Variants in DOCK2 observed in about 807,000 individuals in gnomAD.
The protein encoded by DOCK2 is dedicator of cytokinesis 2.
Under a neutral mutation model 248.9 loss-of-function variants are expected in DOCK2, and 87 were observed. The observed-to-expected ratio is 0.35, with a 90% CI of 0.29 to 0.42. The LOEUF (loss-of-function observed/expected upper bound fraction) is 0.42, where lower values mean the gene tolerates loss of function less well. Among genes scored for constraint, DOCK2 ranks in the 10% least tolerant of loss-of-function variants. The probability of loss-of-function intolerance (pLI) is 1.00; values close to 1 mark genes in which losing one functional copy is unlikely to be tolerated. For synonymous variants in DOCK2, 805 were observed against 821.6 expected, an observed-to-expected ratio of 0.98 and a Z score of 0.35; for missense variants, 1,747 against 2,300.2, an observed-to-expected ratio of 0.76 and a Z score of 4.92.
Position 169,983,081 on chromosome 5 carries a change from C to T in DOCK2, c.2813C>T (p.Ala938Val), listed in dbSNP as rs771688755. The T allele has an allele frequency of 3.1e-6, 5 of 1,614,004 alleles. No homozygotes were observed. In the South Asian group the frequency reaches 4.4e-5, roughly 14 times the overall value. The change falls in exon 28 of 52, where the codon GCA becomes GTA. Residue 938 changes from alanine (A) to valine (V), a missense_variant. Physicochemically the swap from Ala to Val is moderately conservative, Grantham distance 64 (BLOSUM62 0). Coordinates refer to ENST00000520908, the MANE Select transcript of DOCK2 (RefSeq NM_004946.3). ...CATTTCTTGCAGAGTCACTTTGTGG[C>T]ATGTATGACAGCCATCTTAAACCAG... ...RDHILISHFV[A>V]CMTAILNQMG...
At chr5:169,660,579 G>T (rs530762546) in intron 2 of DOCK2, among the ~76,000 whole-genome samples, 142 of 152,262 alleles carry the variant, frequency 9.3e-4, no homozygotes, top group Middle Eastern at 3.4e-3. Context: ...GGCACAAGGA[G>T]ATTTTGAATG....
Position 169,751,317 on chromosome 5 carries a change from T to G in DOCK2, c.2376+3813T>G, listed in dbSNP as rs1182818027. ...GATCAAGAAATATAAATATACATTC[T>G]TAAGAGAATAAACCCACAAGAAGTG... is the stretch of plus-strand genomic sequence containing the variant. On this transcript the variant is annotated intron_variant, in intron 23 of 51. Transcript: ENST00000520908. Among the ~76,000 whole-genome samples the G allele has an allele frequency of 1.5e-4, 23 of 152,198 alleles. 1 individual carries two copies. The highest frequency in any genetic ancestry group is 1.5e-3 in the Admixed American group (23 of 15,280).
rs1655855659 is a variant in DOCK2, at chr5:169,764,300, T to C, written c.2554+2675T>C. 6.6e-6 allele frequency among the ~76,000 whole-genome samples: 1 copy of C among 152,174 alleles called. No individual in the cohort carries two copies. The highest frequency in any genetic ancestry group is 1.5e-5 in the Non-Finnish European group (1 of 68,038). On this transcript the variant is annotated intron_variant, in intron 25 of 51. Coordinates refer to ENST00000520908, the MANE Select transcript of DOCK2 (RefSeq NM_004946.3). The surrounding 1 kb of genome is among the most constrained non-coding windows in gnomAD (Gnocchi z 4.3). ...ATTAAGCGGAGGGACCAGAAGGCTT[T>C]TAAGCACTTTCTGGGATTTTGGCAG...
chr5:169,828,996 C>T (rs1484236835), intron 26 of DOCK2, among the ~76,000 whole-genome samples: 1 of 152,140 alleles, frequency 6.6e-6, no homozygotes, highest in Non-Finnish European at 1.5e-5. Flanking sequence ...CTTTATGACT[C>T]CCTACCTCAG....
At chr5:169,784,268 C>A (rs189810882) in intron 25 of DOCK2, among the ~76,000 whole-genome samples, 2 of 152,022 alleles carry the variant, frequency 1.3e-5, no homozygotes, top group African/African-American at 4.8e-5. Flanking sequence ...ACATTTCAGA[C>A]GATGATGATG....
chr5:169,788,621 C>A (rs1766136085), intron 25 of DOCK2, among the ~76,000 whole-genome samples: 1 of 152,118 alleles, frequency 6.6e-6, no homozygotes, highest in African/African-American at 2.4e-5. Flanking sequence ...CCCTTATGGC[C>A]CCAGTAAGGG....
At chr5:169,844,206 G>C (rs1039417790) in intron 27 of DOCK2, among the ~76,000 whole-genome samples, 1 of 152,202 alleles carries the variant, frequency 6.6e-6, no homozygotes, top group African/African-American at 2.4e-5. Context: ...CTAGGAGGGA[G>C]CAAAGAGATT....
chr5:170,068,025 C>A (rs531978429), intron 45 of DOCK2, among the ~76,000 whole-genome samples: 46 of 152,226 alleles, frequency 3.0e-4, no homozygotes, highest in African/African-American at 1.1e-3. Context: ...AAAGTACGTG[C>A]CAGTTGTATA....
chr5:169,872,716 A>G (rs1772061595), intron 27 of DOCK2, among the ~76,000 whole-genome samples: 1 of 152,198 alleles, frequency 6.6e-6, no homozygotes, highest in Non-Finnish European at 1.5e-5. Context: ...TAACACACTT[A>G]TTCACTGACG....
At chr5:169,770,468 TA>T (rs78685507) in intron 25 of DOCK2, among the ~76,000 whole-genome samples, 11,518 of 151,680 alleles carry the variant, frequency 0.076, 477 homozygotes, top group South Asian at 0.12. Flanking sequence ...TGAAGTTTTT[TA>T]AAAAAAACTT....
intron 25 of DOCK2, among the ~76,000 whole-genome samples, chr5:169,781,751 C>G (rs1436294173): frequency 6.6e-6 from 1 of 152,150 alleles, no homozygotes; most frequent in African/African-American, 2.4e-5. Context: ...ACCTGGAACT[C>G]TACCACTTTC....
At chr5:169,689,948 G>A (rs1405040185) in intron 9 of DOCK2, among the ~76,000 whole-genome samples, 1 of 152,150 alleles carries the variant, frequency 6.6e-6, no homozygotes, top group Non-Finnish European at 1.5e-5. Flanking sequence ...TGGCTTTTTA[G>A]CTCTGAATAG....
At position 169,708,227 on chromosome 5, in the gene DOCK2, A is replaced by G; in HGVS notation, c.1442A>G (p.Tyr481Cys). Residue 481 changes from tyrosine (Y) to cysteine (C), a missense_variant, in exon 15 of 52, where the codon TAC becomes TGC. This residue lies in a region of DOCK2 where 858 missense variants were observed against 1,183.5 expected (regional missense o/e 0.72). Transcript: ENST00000520908. ...KPMNEYRSVVYYQVKQPRWME... is the reference protein window; with the variant it reads ...KPMNEYRSVVCYQVKQPRWME... ...ATGAATGAGTATCGCTCCGTTGTGT[A>G]CTATCAAGTCAAACAGCCACGCTGG... 6.2e-7 allele frequency: 1 copy of G among 1,614,016 alleles called. No individual in the cohort carries two copies.
At position 170,027,926 on chromosome 5, in the gene DOCK2, T is replaced by C. The variant is rs1230685825; in HGVS notation, c.3445T>C (p.Tyr1149His). ...AGAAGGGGGCCGAGGCGACGAGCAG[T>C]ACATGCAGCTCCTGGAGTCAATGTA... ...EVEGGRGDEQ[Y>H]MQLLESILME... The change falls in exon 34 of 52, where the codon TAC becomes CAC. Residue 1149 changes from tyrosine (Y) to histidine (H), a missense_variant. Around this residue, in one of 4 missense-constraint regions of DOCK2, gnomAD observed 858 missense variants for 1,183.5 expected, o/e 0.72. Transcript: ENST00000520908. The C allele has an allele frequency of 6.2e-7, 1 of 1,613,438 alleles. No homozygotes were observed. The highest frequency in any genetic ancestry group is 8.5e-7 in the Non-Finnish European group (1 of 1,179,570).
At chr5:169,877,603 A>G (rs1297071433) in intron 27 of DOCK2, among the ~76,000 whole-genome samples, 2 of 152,180 alleles carry the variant, frequency 1.3e-5, no homozygotes, top group Non-Finnish European at 2.9e-5. Context: ...GACAAATTTG[A>G]GTTGCCTTGG....
At chr5:170,069,321 C>A in intron 46 of DOCK2, 101 bp downstream of exon 46, 1 of 1,185,924 alleles carries the variant, frequency 8.4e-7, no homozygotes, top group Non-Finnish European at 1.2e-6. Flanking sequence ...AGCCTGAATT[C>A]ACATGCCCTC....
At chr5:169,864,519 C>T in intron 27 of DOCK2, 11 of 1,269,044 alleles carry the variant, frequency 8.7e-6, no homozygotes, top group Non-Finnish European at 8.6e-6. Context: ...ACTGATTAAG[C>T]ATCTCTCAGC....
chr5:169,770,322 G>A (rs1000915849), intron 25 of DOCK2, among the ~76,000 whole-genome samples: 1 of 139,288 alleles, frequency 7.2e-6, no homozygotes, highest in Non-Finnish European at 1.5e-5. Context: ...TTGAGACAGG[G>A]TCTTGCTTTG....
chr5:169,717,364 C>A lies in DOCK2; in HGVS notation c.2032-20C>A. The A allele has an allele frequency of 6.2e-7, 1 of 1,607,882 alleles. No homozygotes were observed. Among genetic ancestry groups the A allele is most frequent in the Non-Finnish European group, 8.5e-7 (1 of 1,174,456 alleles). ...CCCTGGGTTTGCCCTGAAAATACTG[C>A]TGCCTTGCATCTTCCTCAGATTTAC... is the stretch of plus-strand genomic sequence containing the variant. On this transcript the variant is annotated intron_variant, in intron 20 of 51. Coordinates refer to ENST00000520908, the MANE Select transcript of DOCK2 (RefSeq NM_004946.3).
Sources: allele counts gnomAD v4.1 joint callset (sites outside exome capture counted in the v4.1 genomes callset), GRCh38; gene constraint gnomAD v4.1.1; regional missense constraint gnomAD v4.1.1; non-coding constraint Gnocchi (gnomAD v3.1); transcripts MANE v1.5; gene names NCBI Gene and HGNC (gene_info 2026-07-23, HGNC 2026-07-21).